The following RPRD2 variants were observed in gnomAD, a reference collection of about 807,000 sequenced individuals.
The protein encoded by RPRD2 is regulation of nuclear pre-mRNA domain containing 2.
RPRD2 carries 12 observed loss-of-function variants against 104.4 expected under a neutral mutation model. That is an observed-to-expected ratio of 0.11 (90% CI 0.07 to 0.19). The LOEUF (loss-of-function observed/expected upper bound fraction) is 0.19, where lower values mean the gene tolerates loss of function less well. Among genes scored for constraint, RPRD2 ranks in the 10% least tolerant of loss-of-function variants. RPRD2 has a pLI of 1.00. For missense variants in RPRD2, 1,543 were observed against 1,790.1 expected, an observed-to-expected ratio of 0.86 and a Z score of 2.49; for synonymous variants, 714 against 684.9, an observed-to-expected ratio of 1.04 and a Z score of -0.66.
At chr1:150,441,684 A>C (rs1397397151) in intron 3 of RPRD2, 197 bp from the exon 4 acceptor site, 2 of 448,182 alleles carry the variant, frequency 4.5e-6, no homozygotes, top group Non-Finnish European at 8.1e-6. Context: ...TTCGCTGATG[A>C]TAAAAATCGT....
chr1:150,455,683 A>G (rs1667481037), intron 7 of RPRD2, among the ~76,000 whole-genome samples: 1 of 152,046 alleles, frequency 6.6e-6, no homozygotes, highest in Non-Finnish European at 1.5e-5. Flanking sequence ...GTTAATAATT[A>G]TGAATATTGA....
chr1:150,427,108 G>GCACTC (rs1665189927), intron 2 of RPRD2, among the ~76,000 whole-genome samples: 1 of 151,972 alleles, frequency 6.6e-6, no homozygotes, highest in Non-Finnish European at 1.5e-5. Context: ...TCACGCCACT[G>GCACTC]CACTCCAGCT....
In RPRD2 at chr1:150,461,762, C is replaced by T. The variant is rs193165286; in HGVS notation, c.1411+1445C>T. Among the ~76,000 whole-genome samples, 234 of 151,834 alleles carry T rather than the reference C, an allele frequency of 1.5e-3. 2 individuals carry two copies. The highest frequency in any genetic ancestry group is 5.3e-3 in the African/African-American group (218 of 41,380). On this transcript the variant is annotated intron_variant, in intron 9 of 10. Transcript: ENST00000369068. ...TTGGGAGGCCGAGGCGGGTGGATCA[C>T]GAGGTCAAGAGATCGAGACCATCCT... is the stretch of plus-strand genomic sequence containing the variant.
chr1:150,457,155 C>A, intron 7 of RPRD2, 133 bp from the exon 8 acceptor site: 1 of 743,876 alleles, frequency 1.3e-6, no homozygotes, highest in Non-Finnish European at 2.2e-6. Context: ...ACCCAGGAGG[C>A]AGAGGTTGCA....
chr1:150,364,677 C>T lies in RPRD2; in HGVS notation c.-38C>T. Reference sequence around the variant, plus strand: ...GCTCCCGCCGCCGCCGCCGCCGCCGCCGCCAGAGGAGCAGCAGCGCTTGTG... The same window carrying T: ...GCTCCCGCCGCCGCCGCCGCCGCCGTCGCCAGAGGAGCAGCAGCGCTTGTG... On this transcript the variant is annotated 5_prime_UTR_variant, in exon 1 of 11. Coordinates refer to ENST00000369068, the MANE Select transcript of RPRD2 (RefSeq NM_015203.5). The T allele has an allele frequency of 7.8e-7, 1 of 1,281,536 alleles. No homozygotes were observed. Among genetic ancestry groups the T allele is most frequent in the Non-Finnish European group, 1.1e-6 (1 of 930,690 alleles). 79.4% of individuals were successfully genotyped at this position (1,281,536 alleles called of 1,614,324 possible).
chr1:150,463,188 G>T (rs1458128583), intron 9 of RPRD2, among the ~76,000 whole-genome samples: 6 of 151,998 alleles, frequency 3.9e-5, no homozygotes, highest in African/African-American at 7.2e-5. Flanking sequence ...GCCAGGCAAG[G>T]TGGGATACCG....
rs373198505 is a variant in RPRD2 at position 150,364,655 on chromosome 1, C to CCCG, written c.-36_-34dup. 0.02 allele frequency: 18,079 copies of CCCG among 895,720 alleles called. 525 individuals are homozygous for CCCG. The highest frequency in any genetic ancestry group is 0.13 in the African/African-American group (7,548 of 57,260). 55.5% of individuals were successfully genotyped at this position (895,720 alleles called of 1,614,324 possible). A position where few individuals can be genotyped will look rare whatever the true frequency, so the allele number is the denominator to read the frequency against. On this transcript the variant is annotated 5_prime_UTR_variant, in exon 1 of 11. Transcript: ENST00000369068. ...ACTCGCAGTGATTGTTTTGCCCGCT[C>CCCG]CCGCCGCCGCCGCCGCCGCCGCCGC...
intron 1 of RPRD2, among the ~76,000 whole-genome samples, chr1:150,381,330 G>T (rs1661115547): frequency 6.6e-6 from 1 of 151,912 alleles, no homozygotes; most frequent in South Asian, 2.1e-4. Flanking sequence ...CCTGAGGTGG[G>T]AGGATTGCTT....
chr1:150,371,417 G>T (rs1660288028), intron 1 of RPRD2, among the ~76,000 whole-genome samples: 1 of 152,192 alleles, frequency 6.6e-6, no homozygotes. Context: ...AGGCTAGAGT[G>T]CAGTGGCACG....
intron 1 of RPRD2, among the ~76,000 whole-genome samples, chr1:150,371,821 G>A (rs1660325831): frequency 6.6e-6 from 1 of 152,106 alleles, no homozygotes; most frequent in African/African-American, 2.4e-5. Context: ...ATTTTCTACA[G>A]TGCAAGAAAA....
intron 1 of RPRD2, among the ~76,000 whole-genome samples, chr1:150,402,440 C>T (rs1258829642): frequency 6.9e-6 from 1 of 145,462 alleles, no homozygotes; most frequent in Non-Finnish European, 1.5e-5. Context: ...CATTTTGGGA[C>T]GTCAAGATGG....
intron 1 of RPRD2, among the ~76,000 whole-genome samples, chr1:150,368,947 C>A (rs1660058607): frequency 1.3e-5 from 2 of 152,136 alleles, no homozygotes; most frequent in South Asian, 2.1e-4. Flanking sequence ...GCTGTCACAT[C>A]ATCTTATTTT....
rs921943929 is a variant in RPRD2, at chr1:150,474,079, T to G, written c.*745T>G. 3 of 152,166 alleles carry G rather than the reference T, an allele frequency of 2.0e-5. No homozygotes were observed. Among genetic ancestry groups the G allele is most frequent in the Admixed American group, 2.0e-4 (3 of 15,266 alleles). The allele number at this position is 152,166 out of a possible 1,614,324, so 9.4% of individuals were successfully genotyped here. A position where few individuals can be genotyped will look rare whatever the true frequency, so the allele number is the denominator to read the frequency against. On this transcript the variant is annotated 3_prime_UTR_variant, in exon 11 of 11. Transcript: ENST00000369068. ...GCCTGTTTTTTTGTAAACAAGAGAA[T>G]AGGAAATGTTTTCAAGGTAGTTTCA...
At chr1:150,391,319 T>G (rs1553883088) in intron 1 of RPRD2, among the ~76,000 whole-genome samples, 2 of 152,164 alleles carry the variant, frequency 1.3e-5, no homozygotes, top group East Asian at 1.9e-4. Flanking sequence ...TTTATTTAAT[T>G]CATTTATTTA....
At chr1:150,403,876 C>A (rs1006598132) in intron 1 of RPRD2, among the ~76,000 whole-genome samples, 2 of 152,148 alleles carry the variant, frequency 1.3e-5, no homozygotes, top group African/African-American at 2.4e-5. Context: ...TCAGGTATTC[C>A]ACCCACCTCG....
rs1039331766 is a variant in RPRD2 at position 150,475,979 on chromosome 1, CAG to C, written c.*2649_*2650del. The C allele has an allele frequency of 4.6e-5, 7 of 151,654 alleles. No individual in the cohort carries two copies. The highest frequency in any genetic ancestry group is 2.0e-4 in the Admixed American group (3 of 15,124). 9.4% of individuals were successfully genotyped at this position (151,654 alleles called of 1,614,324 possible). A position where few individuals can be genotyped will look rare whatever the true frequency, so the allele number is the denominator to read the frequency against. ...TTGGTACTCACTGTAAAATCACAGACAGAGAATTGGTAGGGGTTGTGAATACA... is the reference window on the plus strand; with the variant it reads ...TTGGTACTCACTGTAAAATCACAGACAGAATTGGTAGGGGTTGTGAATACA... On this transcript the variant is annotated 3_prime_UTR_variant, in exon 11 of 11. Transcript: ENST00000369068.
At chr1:150,435,154 A>G (rs1553892851) in intron 2 of RPRD2, among the ~76,000 whole-genome samples, 1 of 152,276 alleles carries the variant, frequency 6.6e-6, no homozygotes, top group East Asian at 1.9e-4. Context: ...ACATATTCCT[A>G]ACTTCGTCCA....
At chr1:150,455,159 C>T (rs1033449975) in intron 7 of RPRD2, among the ~76,000 whole-genome samples, 1 of 152,110 alleles carries the variant, frequency 6.6e-6, no homozygotes. Flanking sequence ...AATTGACAGT[C>T]TACAAAATAC....
chr1:150,459,776 T>C (rs1185148524), intron 8 of RPRD2, among the ~76,000 whole-genome samples: 1 of 152,100 alleles, frequency 6.6e-6, no homozygotes, highest in Non-Finnish European at 1.5e-5. Flanking sequence ...GTATTTTTTG[T>C]GGAGGCAGGA....
Sources: gnomAD v4.1 joint callset for allele counts (sites outside exome capture counted in the v4.1 genomes callset) on GRCh38, gnomAD v4.1.1 for gene constraint, MANE v1.5 for transcripts, NCBI Gene and HGNC (gene_info 2026-07-23, HGNC 2026-07-21) for gene names.